The following VAV3 variants were observed in gnomAD, a reference collection of about 807,000 sequenced individuals.
The protein encoded by VAV3 is vav guanine nucleotide exchange factor 3.
In VAV3, 94 loss-of-function variants were observed where a neutral mutation model predicts 131.2. The ratio of observed to expected loss-of-function variants is 0.72; its 90% CI spans 0.61 to 0.85. The LOEUF (loss-of-function observed/expected upper bound fraction) is 0.85. Among genes scored for constraint, VAV3 ranks in the 40% least tolerant of loss-of-function variants. VAV3 has a pLI of 0.00. For missense variants in VAV3, 939 were observed against 1,002.7 expected (o/e 0.94, Z 0.86); for synonymous variants, 349 against 342.0 (o/e 1.02, Z -0.22).
At position 107,574,963 on chromosome 1, in the gene VAV3, C is replaced by CTCTGTGTGTGTG. The variant is rs1304869776; in HGVS notation, c.2351-766_2351-765insCACACACACAGA. On this transcript the variant is annotated intron_variant, in intron 25 of 26. Transcript: ENST00000370056. ...ATCCTGTGTTCAGAGTTGAGTTTCT[C>CTCTGTGTGTGTG]TGTGTGTGTGTGTGTGTGTGTGTGT... Among the ~76,000 whole-genome samples the CTCTGTGTGTGTG allele has an allele frequency of 9.9e-5, 8 of 81,178 alleles. 2 individuals carry two copies. In the South Asian group the frequency reaches 1.7e-3, roughly 18 times the overall value. 53.3% of individuals were successfully genotyped at this position (81,178 alleles called of 152,430 possible). A position where few individuals can be genotyped will look rare whatever the true frequency, so the allele number is the denominator to read the frequency against.
intron 2 of VAV3, among the ~76,000 whole-genome samples, chr1:107,832,542 T>G (rs561258729): frequency 1.3e-5 from 2 of 152,242 alleles, no homozygotes; most frequent in African/African-American, 4.8e-5. Flanking sequence ...TTCATTTCTA[T>G]CTGAGTCTTT....
In VAV3 at chr1:107,749,442, AT is replaced by A; in HGVS notation, c.1392+19del. 6.3e-7 allele frequency: 1 copy of A among 1,583,784 alleles called. No homozygotes were observed. On this transcript the variant is annotated intron_variant, in intron 14 of 26. Coordinates refer to ENST00000370056, the MANE Select transcript of VAV3 (RefSeq NM_006113.5). ...TCAAGATTATAAGTAAATTACAGTT[AT>A]TAGTTTCCAAAAAGTCACCTTTTTG...
chr1:107,635,995 A>G (rs1557722020), intron 20 of VAV3, among the ~76,000 whole-genome samples: 1 of 152,230 alleles, frequency 6.6e-6, no homozygotes, highest in Non-Finnish European at 1.5e-5. Context: ...CATTAGTATC[A>G]TGGGTATTAA....
At chr1:107,656,793 G>A (rs192559393) in intron 19 of VAV3, among the ~76,000 whole-genome samples, 36 of 152,180 alleles carry the variant, frequency 2.4e-4, no homozygotes, top group African/African-American at 7.9e-4. Context: ...TGCCTGCAAT[G>A]TCCTTTCCTC....
intron 1 of VAV3, among the ~76,000 whole-genome samples, chr1:107,922,907 G>A (rs982109178): frequency 1.3e-5 from 2 of 149,374 alleles, no homozygotes; most frequent in South Asian, 2.1e-4. Context: ...AGCCGAGATC[G>A]CGCCACTGCA....
chr1:107,929,699 T>C lies in VAV3; in HGVS notation c.204+34967A>G, dbSNP rs561240527. ...AGTGGAGGGACGAAGTTAAAAAGTG[T>C]AGAAATTTATTAGTTTTCTTTTTGC... is the stretch of plus-strand genomic sequence containing the variant. On this transcript the variant is annotated intron_variant, in intron 1 of 26. Coordinates refer to ENST00000370056, the MANE Select transcript of VAV3 (RefSeq NM_006113.5). Among the ~76,000 whole-genome samples, 82 of 152,266 alleles carry C rather than the reference T, an allele frequency of 5.4e-4. No individual in the cohort carries two copies. In the Middle Eastern group the frequency reaches 0.01, roughly 19 times the overall value.
intron 19 of VAV3, 145 bp downstream of exon 19, chr1:107,683,343 A>G (rs1438565375): frequency 2.5e-6 from 2 of 806,832 alleles, no homozygotes; most frequent in Non-Finnish European, 4.1e-6. Flanking sequence ...TACACGTTAG[A>G]CCATGACCTC....
chr1:107,947,178 T>C (rs1674310695), intron 1 of VAV3, among the ~76,000 whole-genome samples: 1 of 152,246 alleles, frequency 6.6e-6, no homozygotes, highest in African/African-American at 2.4e-5. Flanking sequence ...AATGGAGTCA[T>C]GTGGAATGCA....
Position 107,900,200 on chromosome 1 carries a change from G to C in VAV3, c.205-25183C>G, listed in dbSNP as rs902367378. Among the ~76,000 whole-genome samples, 6 of 152,062 alleles carry C rather than the reference G, an allele frequency of 3.9e-5. No individual in the cohort carries two copies. The South Asian group carries it at 1.2e-3, about 32-fold the overall frequency. ...ATTTGCTACATAGACTACAAGCTTC[G>C]ACACTTAGGAAACCTACTGAAAATT... is the stretch of plus-strand genomic sequence containing the variant. On this transcript the variant is annotated intron_variant, in intron 1 of 26. Transcript: ENST00000370056.
rs530313873 is a variant in VAV3, at chr1:107,896,831, A to G, written c.205-21814T>C. 1.2e-4 allele frequency among the ~76,000 whole-genome samples: 19 copies of G among 152,324 alleles called. No homozygotes were observed. In the South Asian group the frequency reaches 3.5e-3, roughly 28 times the overall value. On this transcript the variant is annotated intron_variant, in intron 1 of 26. Coordinates refer to ENST00000370056, the MANE Select transcript of VAV3 (RefSeq NM_006113.5). Reference sequence around the variant, plus strand: ...TTTTGTTATGTATTAGAGGGGAAATATGAAACATTTGCCAGTTAGTTTACA... The same window carrying G: ...TTTTGTTATGTATTAGAGGGGAAATGTGAAACATTTGCCAGTTAGTTTACA...
At chr1:107,703,769 T>C (rs1045383683) in intron 17 of VAV3, among the ~76,000 whole-genome samples, 1 of 152,204 alleles carries the variant, frequency 6.6e-6, no homozygotes, top group Non-Finnish European at 1.5e-5. Flanking sequence ...AAAGATCCTT[T>C]CTTGTGTTCA....
chr1:107,844,041 T>C (rs1668849498), intron 2 of VAV3, among the ~76,000 whole-genome samples: 1 of 152,044 alleles, frequency 6.6e-6, no homozygotes, highest in South Asian at 2.1e-4. Flanking sequence ...GATGGCTGAA[T>C]AGGAACAGTT....
chr1:107,916,770 G>A (rs916756359), intron 1 of VAV3, among the ~76,000 whole-genome samples: 7 of 152,106 alleles, frequency 4.6e-5, no homozygotes, highest in Non-Finnish European at 7.4e-5. Flanking sequence ...TACCTTACAA[G>A]GCAGTGAGTG....
At chr1:107,829,374 G>A (rs1668149638) in intron 2 of VAV3, among the ~76,000 whole-genome samples, 1 of 152,098 alleles carries the variant, frequency 6.6e-6, no homozygotes, top group Non-Finnish European at 1.5e-5. Flanking sequence ...CTGTCAGCAA[G>A]CCATGTAAAA....
At chr1:107,679,007 T>C (rs2504448) in intron 19 of VAV3, among the ~76,000 whole-genome samples, 8,343 of 152,248 alleles carry the variant, frequency 0.055, 580 homozygotes, top group African/African-American at 0.16. Context: ...CTAGGAAGAA[T>C]ATAAATTCTT....
At chr1:107,952,574 T>C (rs920656376) in intron 1 of VAV3, among the ~76,000 whole-genome samples, 1 of 150,872 alleles carries the variant, frequency 6.6e-6, no homozygotes, top group Admixed American at 6.6e-5. Flanking sequence ...TTTGTGACAT[T>C]AGTGGTATAA....
intron 25 of VAV3, among the ~76,000 whole-genome samples, chr1:107,593,482 T>C (rs1179249308): frequency 6.6e-6 from 1 of 152,138 alleles, no homozygotes; most frequent in Non-Finnish European, 1.5e-5. Flanking sequence ...GCCTGCTCTG[T>C]ATCCTCCAAG....
chr1:107,847,807 C>A (rs905749570), intron 2 of VAV3, among the ~76,000 whole-genome samples: 2 of 152,086 alleles, frequency 1.3e-5, no homozygotes, highest in African/African-American at 4.8e-5. Flanking sequence ...AAGCCCAGGA[C>A]CAGAGAGATT....
At chr1:107,610,206 A>C (rs1238143174) in intron 21 of VAV3, among the ~76,000 whole-genome samples, 1 of 152,190 alleles carries the variant, frequency 6.6e-6, no homozygotes, top group Non-Finnish European at 1.5e-5. Flanking sequence ...CTAAGAGGAG[A>C]GATAGCAGGC....
Sources: allele counts gnomAD v4.1 joint callset (sites outside exome capture counted in the v4.1 genomes callset), GRCh38; gene constraint gnomAD v4.1.1; transcripts MANE v1.5; gene names NCBI Gene and HGNC (gene_info 2026-07-23, HGNC 2026-07-21).